The following SMYD3 variants were observed in gnomAD, a reference collection of about 807,000 sequenced individuals.
SMYD3 encodes the protein histone-lysine N-methyltransferase SMYD3.
A neutral mutation model predicts 57.7 loss-of-function variants in SMYD3; 36 were observed. That is an observed-to-expected ratio of 0.62 (90% CI 0.48 to 0.82). The LOEUF (loss-of-function observed/expected upper bound fraction) is 0.82. SMYD3 is among the 40% of genes least tolerant of loss of function. The pLI is 0.00. For missense variants in SMYD3, 515 were observed against 538.8 expected, an observed-to-expected ratio of 0.96 and a Z score of 0.44; for synonymous variants, 211 against 195.0, an observed-to-expected ratio of 1.08 and a Z score of -0.68.
chr1:245,970,868 C>A (rs7520388), intron 5 of SMYD3, among the ~76,000 whole-genome samples: 15,694 of 152,110 alleles, frequency 0.1, 1,039 homozygotes, highest in African/African-American at 0.18. Flanking sequence ...ATTAGTTCAA[C>A]CATTGTGGAA....
At chr1:246,011,872 T>G (rs1478929844) in intron 5 of SMYD3, among the ~76,000 whole-genome samples, 1 of 152,168 alleles carries the variant, frequency 6.6e-6, no homozygotes, top group East Asian at 1.9e-4. Flanking sequence ...CTTTCCTCAC[T>G]GCAGAAGAAC....
intron 1 of SMYD3, among the ~76,000 whole-genome samples, chr1:246,446,635 G>A (rs2067554272): frequency 6.6e-6 from 1 of 152,104 alleles, no homozygotes; most frequent in African/African-American, 2.4e-5. Context: ...ATTTAAATAG[G>A]TACCATATGG....
At chr1:245,925,570 A>T (rs1572706006) in intron 7 of SMYD3, among the ~76,000 whole-genome samples, 1 of 152,192 alleles carries the variant, frequency 6.6e-6, no homozygotes, top group Non-Finnish European at 1.5e-5. Context: ...AGTCTTCTCC[A>T]ATGATGCAAC....
intron 1 of SMYD3, among the ~76,000 whole-genome samples, chr1:246,395,957 G>A (rs1325298728): frequency 2.6e-5 from 4 of 152,208 alleles, no homozygotes; most frequent in Non-Finnish European, 4.4e-5. Flanking sequence ...AGACACCTAA[G>A]ATGATAGGGT....
intron 5 of SMYD3, among the ~76,000 whole-genome samples, chr1:245,995,042 G>A (rs543526425): frequency 1.4e-4 from 21 of 152,084 alleles, no homozygotes; most frequent in Non-Finnish European, 2.4e-4. Context: ...GCAGTGAGCC[G>A]AGATTGCGCC....
chr1:246,050,963 T>C (rs2060056131), intron 5 of SMYD3, among the ~76,000 whole-genome samples: 2 of 152,050 alleles, frequency 1.3e-5, no homozygotes, highest in African/African-American at 2.4e-5. Flanking sequence ...TGAATGTTAC[T>C]AGGATCATAT....
intron 1 of SMYD3, among the ~76,000 whole-genome samples, chr1:246,469,524 T>G (rs941675754): frequency 6.6e-6 from 1 of 152,152 alleles, no homozygotes; most frequent in Admixed American, 6.5e-5. Context: ...GAAGCCAGCT[T>G]GAAGGGGCTC....
intron 1 of SMYD3, among the ~76,000 whole-genome samples, chr1:246,494,418 T>C (rs147975826): frequency 6.6e-6 from 1 of 152,352 alleles, no homozygotes; most frequent in African/African-American, 2.4e-5. Flanking sequence ...GCATTACCTG[T>C]GAAGCTTTAA....
chr1:245,833,948 T>C (rs181408508), intron 10 of SMYD3, among the ~76,000 whole-genome samples: 7 of 152,358 alleles, frequency 4.6e-5, no homozygotes, highest in South Asian at 2.1e-4. Context: ...TTTAGAAACA[T>C]TGAAGTATAA....
At chr1:245,838,466 C>A (rs1003836015) in intron 10 of SMYD3, among the ~76,000 whole-genome samples, 5 of 152,192 alleles carry the variant, frequency 3.3e-5, no homozygotes, top group African/African-American at 1.2e-4. Flanking sequence ...AGATGTGTGG[C>A]TTTGGGTGAG....
At chr1:246,357,485 C>A (rs2148708849) in intron 1 of SMYD3, among the ~76,000 whole-genome samples, 1 of 152,288 alleles carries the variant, frequency 6.6e-6, no homozygotes, top group South Asian at 2.1e-4. Context: ...TAAACATGGA[C>A]AACCAGCAGG....
intron 5 of SMYD3, among the ~76,000 whole-genome samples, chr1:246,097,631 C>T (rs913307351): frequency 6.6e-6 from 1 of 152,056 alleles, no homozygotes; most frequent in Non-Finnish European, 1.5e-5. Flanking sequence ...ACAATCCCAC[C>T]CCAGTTTCCA....
chr1:246,391,721 G>T (rs930903211), intron 1 of SMYD3, among the ~76,000 whole-genome samples: 2 of 152,098 alleles, frequency 1.3e-5, no homozygotes, highest in Non-Finnish European at 2.9e-5. Flanking sequence ...ATAATGAAAA[G>T]CTAAATATGT....
chr1:246,079,750 C>A (rs2060608032), intron 5 of SMYD3, among the ~76,000 whole-genome samples: 2 of 152,152 alleles, frequency 1.3e-5, no homozygotes, highest in South Asian at 2.1e-4. Flanking sequence ...AAAAACCCCA[C>A]AACTAAAAAC....
At chr1:246,398,025 C>CGTCA (rs1206028630) in intron 1 of SMYD3, among the ~76,000 whole-genome samples, 1 of 151,856 alleles carries the variant, frequency 6.6e-6, no homozygotes, top group African/African-American at 2.4e-5. Context: ...GGGTGGAATC[C>CGTCA]GTCAATCACT....
chr1:246,061,479 G>A (rs2060250880), intron 5 of SMYD3, among the ~76,000 whole-genome samples: 1 of 152,070 alleles, frequency 6.6e-6, no homozygotes, highest in Non-Finnish European at 1.5e-5. Flanking sequence ...TCAGCACTTT[G>A]GGAGGCTGAG....
intron 1 of SMYD3, among the ~76,000 whole-genome samples, chr1:246,490,624 G>A (rs950598004): frequency 1.3e-5 from 2 of 152,222 alleles, no homozygotes; most frequent in East Asian, 3.8e-4. Flanking sequence ...TATACTCCCA[G>A]CACTTTGGGA....
chr1:245,822,241 T>A (rs971605737), intron 10 of SMYD3, among the ~76,000 whole-genome samples: 1 of 151,902 alleles, frequency 6.6e-6, no homozygotes, highest in Non-Finnish European at 1.5e-5. Flanking sequence ...GTTCATGTCC[T>A]TTGTAGGGAC....
intron 5 of SMYD3, among the ~76,000 whole-genome samples, chr1:246,204,437 G>C (rs1342835042): frequency 6.6e-6 from 1 of 152,178 alleles, no homozygotes; most frequent in African/African-American, 2.4e-5. Context: ...CCAGTGCTGA[G>C]CACTGTGTCC....
Sources: allele counts gnomAD v4.1 joint callset (sites outside exome capture counted in the v4.1 genomes callset), GRCh38; gene constraint gnomAD v4.1.1; transcripts MANE v1.5; gene names NCBI Gene and HGNC (gene_info 2026-07-23, HGNC 2026-07-21).